The following XPO6 variants were observed in gnomAD, a reference collection of about 807,000 sequenced individuals.
The protein encoded by XPO6 is exportin 6.
In XPO6, 3 loss-of-function variants were observed where a neutral mutation model predicts 130.0. The ratio of observed to expected loss-of-function variants is 0.02; its 90% CI spans 0.01 to 0.06. XPO6 has a LOEUF of 0.06. XPO6 is among the 10% of genes least tolerant of loss of function. The probability of loss-of-function intolerance (pLI) is 1.00; values close to 1 mark genes in which losing one functional copy is unlikely to be tolerated. For missense variants in XPO6, 970 were observed against 1,393.0 expected (o/e 0.70, Z 4.83); for synonymous variants, 524 against 548.9 (o/e 0.95, Z 0.63).
chr16:28,125,767 G>A lies in XPO6; in HGVS notation c.1688C>T (p.Ala563Val). Residue 563 changes from alanine (A) to valine (V), a missense_variant, in exon 13 of 24, where the codon GCC becomes GTC. Physicochemically the swap from Ala to Val is moderately conservative, Grantham distance 64. Transcript: ENST00000304658. ...SLRDLSSLLQ[A>V]VGRLAEYFIG... is the part of the protein sequence containing the mutation. ...AAAGTACTCGGCCAGGCGGCCCACG[G>A]CCTGCAGCAGGGAGCTCAAGTCTCT... is the stretch of plus-strand genomic sequence containing the variant. The A allele has an allele frequency of 1.2e-6, 2 of 1,614,244 alleles. No individual in the cohort carries two copies. Among genetic ancestry groups the A allele is most frequent in the Non-Finnish European group, 1.7e-6 (2 of 1,180,052 alleles).
chr16:28,146,111 C>T lies in XPO6; in HGVS notation c.1317G>A (p.Lys439=), dbSNP rs1318752244. The T allele has an allele frequency of 1.9e-6, 3 of 1,613,822 alleles. No homozygotes were observed. In the Admixed American group the frequency reaches 5.0e-5, roughly 27 times the overall value. The change falls in exon 9 of 24, where the codon AAG becomes AAA. Residue 439 remains lysine, a synonymous_variant. Transcript: ENST00000304658. ...GAGTTTACCTGTTGAGAACTGCTTC[C>T]TTGTCTCCAAGACGACTTTTAATTT... ...TSKIKSRLGD[K]EAVLNRYEDA...
chr16:28,122,129 T>C (rs2087258088), intron 13 of XPO6, among the ~76,000 whole-genome samples: 3 of 152,122 alleles, frequency 2.0e-5, no homozygotes, highest in Admixed American at 6.5e-5. Flanking sequence ...ACATACAGAA[T>C]ACATCGTGAA....
intron 6 of XPO6, chr16:28,165,543 T>C (rs552367407): frequency 7.9e-5 from 12 of 152,312 alleles, no homozygotes; most frequent in African/African-American, 2.6e-4. Context: ...AAATTTGTAA[T>C]AATTAGTGCA....
At chr16:28,158,998 G>A (rs917973981) in intron 6 of XPO6, among the ~76,000 whole-genome samples, 12 of 152,302 alleles carry the variant, frequency 7.9e-5, no homozygotes, top group South Asian at 2.1e-4. Flanking sequence ...GGTAGGCTGA[G>A]GCGGGCAGAT....
At chr16:28,175,816 A>ATTTCC in intron 4 of XPO6, 82 bp downstream of exon 4, 1 of 1,316,912 alleles carries the variant, frequency 7.6e-7, no homozygotes, top group South Asian at 1.3e-5. Flanking sequence ...GCTAATCTTA[A>ATTTCC]AAGTCCTCTT....
At chr16:28,110,435 C>T (rs1166181397) in intron 17 of XPO6, among the ~76,000 whole-genome samples, 1 of 152,218 alleles carries the variant, frequency 6.6e-6, no homozygotes, top group Non-Finnish European at 1.5e-5. Context: ...TGGAGCCTTC[C>T]ACAGCCTGGG....
Position 28,132,653 on chromosome 16 carries a change from T to C in XPO6, c.1537-250A>G, listed in dbSNP as rs1192472462. ...AAAACGTATTAGTTCAACCCTTTTTTTAAAAAAAAAAAAAAAGCAAAGGAC... is the reference window on the plus strand; with the variant it reads ...AAAACGTATTAGTTCAACCCTTTTTCTAAAAAAAAAAAAAAAGCAAAGGAC... On this transcript the variant is annotated intron_variant, in intron 11 of 23. Coordinates refer to ENST00000304658, the MANE Select transcript of XPO6 (RefSeq NM_015171.4). The surrounding 1 kb of genome is among the most constrained non-coding windows in gnomAD (Gnocchi z 4.0). 1.5e-5 allele frequency among the ~76,000 whole-genome samples: 2 copies of C among 136,232 alleles called. No individual in the cohort carries two copies. The allele number at this position is 136,232 out of a possible 152,430, so 89.4% of individuals were successfully genotyped here.
intron 1 of XPO6, among the ~76,000 whole-genome samples, chr16:28,193,069 C>T (rs2043809951): frequency 6.6e-6 from 1 of 152,182 alleles, no homozygotes; most frequent in South Asian, 2.1e-4. Context: ...ACGTAAACTC[C>T]ATGTGTGGGT....
intron 16 of XPO6, among the ~76,000 whole-genome samples, chr16:28,112,276 G>A (rs2086943761): frequency 6.6e-6 from 1 of 152,190 alleles, no homozygotes; most frequent in African/African-American, 2.4e-5. Context: ...GTATTAGAGA[G>A]GGAAAAATCA....
intron 1 of XPO6, among the ~76,000 whole-genome samples, chr16:28,189,743 T>G (rs1177210754): frequency 6.6e-6 from 1 of 152,212 alleles, no homozygotes; most frequent in Non-Finnish European, 1.5e-5. Flanking sequence ...TGTCTGCAGC[T>G]TAGATCTAGA....
chr16:28,158,144 A>AT (rs2043212429), intron 6 of XPO6, among the ~76,000 whole-genome samples: 1 of 152,256 alleles, frequency 6.6e-6, no homozygotes, highest in Non-Finnish European at 1.5e-5. Flanking sequence ...CCACTTACAT[A>AT]TTAAAATACA....
chr16:28,106,100 G>A lies in XPO6; in HGVS notation c.2727C>T (p.Pro909=), dbSNP rs763646211. The change falls in exon 20 of 24, where the codon CCC becomes CCT. Residue 909 remains proline (P), a synonymous_variant. Coordinates refer to ENST00000304658, the MANE Select transcript of XPO6 (RefSeq NM_015171.4). This position sits in a 1 kb window ranked among gnomAD's most constrained non-coding sequence, Gnocchi z 4.2. The part of the protein sequence containing the change: ...VVQEPGQVFK[P]FLPSIIALCM... ...ACAGGGCGATGATGCTGGGGAGGAA[G>A]GGCTTGAACACCTGGCCTGGCTCCT... The A allele has an allele frequency of 3.7e-6, 6 of 1,614,072 alleles. No homozygotes were observed. In the African/African-American group the frequency reaches 8.0e-5, roughly 22 times the overall value.
Position 28,101,626 on chromosome 16 carries a change from G to C in XPO6, c.3108C>G (p.His1036Gln). The C allele has an allele frequency of 1.9e-6, 3 of 1,614,060 alleles. No homozygotes were observed. Among genetic ancestry groups the C allele is most frequent in the Non-Finnish European group, 2.5e-6 (3 of 1,179,906 alleles). The change falls in exon 23 of 24, where the codon CAC (histidine) becomes CAG (glutamine). Residue 1036 changes from histidine (H) to glutamine (Q), a missense_variant. By Grantham distance (24) the His-to-Gln change is conservative. Around this residue, in one of 4 missense-constraint regions of XPO6, gnomAD observed 936 missense variants for 1,306.8 expected, o/e 0.72. Coordinates refer to ENST00000304658, the MANE Select transcript of XPO6 (RefSeq NM_015171.4). This position sits in a 1 kb window ranked among gnomAD's most constrained non-coding sequence, Gnocchi z 5.4. ...CCTCCTGCAGAAGATCATGGGACTT[G>C]TGGACCAGGACCTGGAGCAGCACGT... Reference protein sequence around the residue: ...FVNVLLQVLVHKSHDLLQEEI... With the variant: ...FVNVLLQVLVQKSHDLLQEEI...
intron 12 of XPO6, among the ~76,000 whole-genome samples, chr16:28,127,971 C>T (rs536377657): frequency 6.6e-6 from 1 of 152,270 alleles, no homozygotes; most frequent in Admixed American, 6.5e-5. Flanking sequence ...AGTAAGCCAG[C>T]TCCTCCAACC....
At chr16:28,167,020 G>A in intron 5 of XPO6, 1 of 633,616 alleles carries the variant, frequency 1.6e-6, no homozygotes, top group Non-Finnish European at 2.0e-6. Flanking sequence ...CTCTGCCCAT[G>A]AGTCATTTAA....
intron 21 of XPO6, among the ~76,000 whole-genome samples, chr16:28,102,334 A>G (rs2086671049): frequency 1.3e-5 from 2 of 152,278 alleles, no homozygotes; most frequent in East Asian, 3.9e-4. Flanking sequence ...CCGTCTCAAA[A>G]GCCACAAGCC....
intron 4 of XPO6, among the ~76,000 whole-genome samples, chr16:28,171,417 T>A (rs1417266905): frequency 2.1e-5 from 3 of 143,306 alleles, no homozygotes; most frequent in Non-Finnish European, 1.5e-5. Flanking sequence ...CACCCCACTG[T>A]ATTCCAGCCT....
chr16:28,193,441 ACT>A (rs1440794692), intron 1 of XPO6, among the ~76,000 whole-genome samples: 1 of 152,090 alleles, frequency 6.6e-6, no homozygotes, highest in East Asian at 1.9e-4. Context: ...CTGCAAAGCA[ACT>A]CTCTAACCAG....
At position 28,132,787 on chromosome 16, in the gene XPO6, C is replaced by A. The variant is rs1398465341; in HGVS notation, c.1537-384G>T. 2.3e-5 allele frequency among the ~76,000 whole-genome samples: 3 copies of A among 132,282 alleles called. No individual in the cohort carries two copies. Among genetic ancestry groups the A allele is most frequent in the Non-Finnish European group, 4.8e-5 (3 of 61,876 alleles). The allele number at this position is 132,282 out of a possible 152,430, so 86.8% of individuals were successfully genotyped here. A position where few individuals can be genotyped will look rare whatever the true frequency, so the allele number is the denominator to read the frequency against. The stretch of plus-strand genomic sequence containing the variant: ...ATATCTCCCTTCAAATCCAAGGGAA[C>A]CTCTACCTTGAGAGAAATGTCAGCT... On this transcript the variant is annotated intron_variant, in intron 11 of 23. Coordinates refer to ENST00000304658, the MANE Select transcript of XPO6 (RefSeq NM_015171.4). The surrounding 1 kb of genome is among the most constrained non-coding windows in gnomAD (Gnocchi z 4.0).
Sources: gnomAD v4.1 joint callset for allele counts (sites outside exome capture counted in the v4.1 genomes callset) on GRCh38, gnomAD v4.1.1 for gene constraint, gnomAD v4.1.1 regional missense constraint, Gnocchi (gnomAD v3.1) non-coding constraint, MANE v1.5 for transcripts, NCBI Gene and HGNC (gene_info 2026-07-23, HGNC 2026-07-21) for gene names.